The following CHP1 variants were observed in gnomAD, a reference collection of about 807,000 sequenced individuals.
The protein encoded by CHP1 is calcineurin like EF-hand protein 1.
A neutral mutation model predicts 27.4 loss-of-function variants in CHP1; 11 were observed. That is an observed-to-expected ratio of 0.40 (90% CI 0.25 to 0.67). The LOEUF (loss-of-function observed/expected upper bound fraction) is 0.67. Among genes scored for constraint, CHP1 ranks in the 30% least tolerant of loss-of-function variants. The pLI, the probability that CHP1 is intolerant of heterozygous loss-of-function variation, is 0.38. For missense variants in CHP1, 169 were observed against 251.3 expected (o/e 0.67, Z 2.22); for synonymous variants, 89 against 87.4 (o/e 1.02, Z -0.10).
At chr15:41,275,529 T>C (rs151032721) in intron 5 of CHP1, among the ~76,000 whole-genome samples, 25 of 152,354 alleles carry the variant, frequency 1.6e-4, no homozygotes, top group Middle Eastern at 3.4e-3. Flanking sequence ...TTCAGCTTTT[T>C]TTCTTTTTAG....
intron 4 of CHP1, among the ~76,000 whole-genome samples, chr15:41,268,991 C>T (rs1457149531): frequency 6.6e-6 from 1 of 151,668 alleles, no homozygotes; most frequent in Non-Finnish European, 1.5e-5. Flanking sequence ...TTTATCTAGA[C>T]AAAGACCTTG....
chr15:41,262,699 A>C, intron 3 of CHP1, 57 bp from the exon 4 acceptor site: 1 of 1,600,192 alleles, frequency 6.2e-7, no homozygotes, highest in South Asian at 1.1e-5. Context: ...TATTTAATTC[A>C]TAAGAAATAA....
chr15:41,260,247 C>T (rs2047425903), intron 3 of CHP1, among the ~76,000 whole-genome samples: 1 of 151,614 alleles, frequency 6.6e-6, no homozygotes, highest in Non-Finnish European at 1.5e-5. Flanking sequence ...TTACATGGGG[C>T]ATTCTTTTTT....
chr15:41,271,126 G>T (rs1431968929), intron 5 of CHP1, among the ~76,000 whole-genome samples: 2 of 151,992 alleles, frequency 1.3e-5, no homozygotes, highest in Non-Finnish European at 2.9e-5. Flanking sequence ...GTGGTGGCGG[G>T]CACCTGTAGT....
chr15:41,251,108 A>G (rs2047364535), intron 2 of CHP1, among the ~76,000 whole-genome samples: 1 of 152,142 alleles, frequency 6.6e-6, no homozygotes, highest in African/African-American at 2.4e-5. Flanking sequence ...CTAGGATTAC[A>G]GGTGTGAGCC....
At chr15:41,266,778 A>G (rs1234936254) in intron 4 of CHP1, among the ~76,000 whole-genome samples, 1 of 152,098 alleles carries the variant, frequency 6.6e-6, no homozygotes, top group Admixed American at 6.6e-5. Context: ...AAGGTGGGTG[A>G]ATCATGAGAT....
chr15:41,277,068 A>ATGTAAG (rs753908864), intron 5 of CHP1, among the ~76,000 whole-genome samples: 6 of 152,234 alleles, frequency 3.9e-5, no homozygotes, highest in Admixed American at 1.3e-4. Context: ...AGTTCTGCTT[A>ATGTAAG]CATCATTGCC....
At chr15:41,269,521 C>A (rs1355226616) in intron 4 of CHP1, among the ~76,000 whole-genome samples, 1 of 152,018 alleles carries the variant, frequency 6.6e-6, no homozygotes, top group African/African-American at 2.4e-5. Flanking sequence ...TCAAATGTTA[C>A]CTCTCCTTGA....
At chr15:41,273,232 T>C (rs571827272) in intron 5 of CHP1, among the ~76,000 whole-genome samples, 6 of 152,268 alleles carry the variant, frequency 3.9e-5, no homozygotes, top group Non-Finnish European at 7.4e-5. Context: ...GGTGCAATTA[T>C]ACTAGAAATT....
intron 4 of CHP1, among the ~76,000 whole-genome samples, chr15:41,267,242 C>A (rs1479052000): frequency 6.6e-6 from 1 of 151,954 alleles, no homozygotes; most frequent in African/African-American, 2.4e-5. Context: ...AGTGAAGATG[C>A]AGAAGTTATG....
chr15:41,274,790 GTTT>G (rs34053067), intron 5 of CHP1, among the ~76,000 whole-genome samples: 20 of 120,710 alleles, frequency 1.7e-4, no homozygotes, highest in Middle Eastern at 4.3e-3. Flanking sequence ...CATTGTCTTT[GTTT>G]TTTTTTTTTT....
chr15:41,260,531 A>T (rs2047427684), intron 3 of CHP1, among the ~76,000 whole-genome samples: 2 of 151,252 alleles, frequency 1.3e-5, no homozygotes, highest in South Asian at 4.2e-4. Flanking sequence ...AGTAGCTGGG[A>T]TTACAGGCAT....
At chr15:41,270,814 C>T (rs770001666) in intron 5 of CHP1, among the ~76,000 whole-genome samples, 196 bp downstream of exon 5, 9 of 152,266 alleles carry the variant, frequency 5.9e-5, no homozygotes, top group Non-Finnish European at 1.2e-4. Flanking sequence ...GATGTCTCCA[C>T]TATTTAAAAG....
intron 4 of CHP1, among the ~76,000 whole-genome samples, chr15:41,268,563 A>T (rs1230087870): frequency 6.7e-6 from 1 of 149,378 alleles, no homozygotes; most frequent in Non-Finnish European, 1.5e-5. Flanking sequence ...AATTGCTTGA[A>T]CCCGGGAGGC....
At chr15:41,256,147 T>C (rs1331259403) in intron 2 of CHP1, among the ~76,000 whole-genome samples, 2 of 152,240 alleles carry the variant, frequency 1.3e-5, no homozygotes, top group African/African-American at 4.8e-5. Flanking sequence ...TTACTTTATC[T>C]TCCTGACTCT....
At position 41,279,295 on chromosome 15, in the gene CHP1, T is replaced by A. The variant is rs928607011; in HGVS notation, c.535-41T>A. The A allele has an allele frequency of 3.3e-6, 5 of 1,518,288 alleles. No homozygotes were observed. The African/African-American group carries it at 6.9e-5, about 21-fold the overall frequency. The allele number at this position is 1,518,288 out of a possible 1,614,324, so 94.1% of individuals were successfully genotyped here. A position where few individuals can be genotyped will look rare whatever the true frequency, so the allele number is the denominator to read the frequency against. ...AGATAAGAGCTTGGGAGTGTTGTAA[T>A]CTTCATAACCTTTGTAACTGTTACT... On this transcript the variant is annotated intron_variant, in intron 6 of 6. Transcript: ENST00000334660.
At chr15:41,240,685 G>A (rs932578720) in intron 1 of CHP1, among the ~76,000 whole-genome samples, 6 of 151,316 alleles carry the variant, frequency 4.0e-5, no homozygotes, top group Admixed American at 2.6e-4. Context: ...CCCAGAAGGC[G>A]GAGGTTGTGG....
chr15:41,238,908 C>T (rs1035983885), intron 1 of CHP1, among the ~76,000 whole-genome samples: 3 of 152,082 alleles, frequency 2.0e-5, no homozygotes, highest in African/African-American at 7.2e-5. Context: ...TAACTGTCAA[C>T]TCCTGTTATT....
At chr15:41,259,078 T>C (rs1270874118) in intron 3 of CHP1, among the ~76,000 whole-genome samples, 1 of 152,220 alleles carries the variant, frequency 6.6e-6, no homozygotes, top group Non-Finnish European at 1.5e-5. Flanking sequence ...CTGCCCTGTT[T>C]GTTTCAGGTG....
Sources: gnomAD v4.1 joint callset for allele counts (sites outside exome capture counted in the v4.1 genomes callset) on GRCh38, gnomAD v4.1.1 for gene constraint, MANE v1.5 for transcripts, NCBI Gene and HGNC (gene_info 2026-07-23, HGNC 2026-07-21) for gene names.